Variants in MYSM1 observed in about 807,000 individuals in gnomAD.
MYSM1 encodes the protein Myb like, SWIRM and MPN domains 1, also known as deubiquitinase MYSM1.
In MYSM1, 51 loss-of-function variants were observed where a neutral mutation model predicts 116.0. That is an observed-to-expected ratio of 0.44 (90% CI 0.35 to 0.56). MYSM1 has a LOEUF of 0.56. MYSM1 is among the 20% of genes least tolerant of loss of function. The probability of loss-of-function intolerance (pLI) is 0.00; values close to 1 mark genes in which losing one functional copy is unlikely to be tolerated. For synonymous variants in MYSM1, 313 were observed against 315.2 expected, an observed-to-expected ratio of 0.99 and a Z score of 0.07; for missense variants, 900 against 974.9, an observed-to-expected ratio of 0.92 and a Z score of 1.02.
chr1:58,678,064 G>A (rs1212626696), intron 8 of MYSM1, among the ~76,000 whole-genome samples: 1 of 152,098 alleles, frequency 6.6e-6, no homozygotes, highest in Non-Finnish European at 1.5e-5. Context: ...TCTAATGGGA[G>A]GGACTGTCAA....
At chr1:58,685,338 ACTT>A in intron 6 of MYSM1, 87 bp from the exon 7 acceptor site, 29 of 675,194 alleles carry the variant, frequency 4.3e-5, no homozygotes, top group Non-Finnish European at 6.5e-5. Flanking sequence ...AAAAAAAAAA[ACTT>A]AAAAAAAAAT....
intron 1 of MYSM1, among the ~76,000 whole-genome samples, chr1:58,696,744 G>A (rs1197396783): frequency 2.0e-5 from 3 of 152,148 alleles, no homozygotes. Context: ...TATCTAACAA[G>A]AATGTTCTAT....
intron 12 of MYSM1, among the ~76,000 whole-genome samples, chr1:58,670,417 T>C (rs1644542949): frequency 6.6e-6 from 1 of 152,130 alleles, no homozygotes; most frequent in African/African-American, 2.4e-5. Context: ...AAAAGCAGAC[T>C]GCAGAAAAGG....
intron 1 of MYSM1, among the ~76,000 whole-genome samples, chr1:58,698,809 C>A (rs931075108): frequency 6.6e-6 from 1 of 152,190 alleles, no homozygotes; most frequent in Non-Finnish European, 1.5e-5. Context: ...ATCTGCAAAG[C>A]TTTGAGGGAC....
chr1:58,678,924 GA>G (rs1275488913), intron 8 of MYSM1, among the ~76,000 whole-genome samples: 1 of 152,120 alleles, frequency 6.6e-6, no homozygotes, highest in African/African-American at 2.4e-5. Flanking sequence ...GTGTGACCTG[GA>G]AAAGTTTTTT....
Position 58,658,049 on chromosome 1 carries a change from A to G in MYSM1, c.*1948T>C, listed in dbSNP as rs986275562. ...TCAAAAGGAAGATGAGTACAAAGGA[A>G]TCAATCACTGCCTTTCACAGAATCA... On this transcript the variant is annotated 3_prime_UTR_variant, in exon 20 of 20. Coordinates refer to ENST00000472487, the MANE Select transcript of MYSM1 (RefSeq NM_001085487.3). 9 of 152,228 alleles carry G rather than the reference A, an allele frequency of 5.9e-5. No homozygotes were observed. Among genetic ancestry groups the G allele is most frequent in the African/African-American group, 2.2e-4 (9 of 41,472 alleles). 9.4% of individuals were successfully genotyped at this position (152,228 alleles called of 1,614,324 possible). A position where few individuals can be genotyped will look rare whatever the true frequency, so the allele number is the denominator to read the frequency against.
Position 58,690,215 on chromosome 1 carries a change from T to C in MYSM1, c.320+11A>G, listed in dbSNP as rs374696754. 3.7e-5 allele frequency: 56 copies of C among 1,516,668 alleles called. No homozygotes were observed. The highest frequency in any genetic ancestry group is 8.8e-7 in the Non-Finnish European group (1 of 1,130,910). 94.0% of individuals were successfully genotyped at this position (1,516,668 alleles called of 1,614,324 possible). On this transcript the variant is annotated intron_variant, in intron 5 of 19. Transcript: ENST00000472487. ...AAAACAGATTTATAAATATAAAATA[T>C]AAGTACATACATGATTTTTGCTGTT... is the stretch of plus-strand genomic sequence containing the variant.
intron 12 of MYSM1, among the ~76,000 whole-genome samples, chr1:58,671,158 T>A (rs1644554696): frequency 6.6e-6 from 1 of 152,152 alleles, no homozygotes; most frequent in South Asian, 2.1e-4. Flanking sequence ...TTATTAAACC[T>A]CTCTATGCCT....
intron 1 of MYSM1, among the ~76,000 whole-genome samples, chr1:58,698,102 A>ATATATATATATATATATATATT: frequency 3.9e-4 from 3 of 7,764 alleles, no homozygotes; most frequent in African/African-American, 5.1e-4. Context: ...ATATATATAT[A>ATATATATATATATATATATATT]TTTTTTTTTT....
In MYSM1 at chr1:58,667,939, C is replaced by G. The variant is rs748325141; in HGVS notation, c.1768-18G>C. ...TGAGCATGCTAAAAGAAATACAAGA[C>G]AGACTTAGCCCAAACGCACAAACCC... On this transcript the variant is annotated intron_variant, in intron 14 of 19. Transcript: ENST00000472487. 7 of 1,590,578 alleles carry G rather than the reference C, an allele frequency of 4.4e-6. No individual in the cohort carries two copies. The highest frequency in any genetic ancestry group is 6.0e-6 in the Non-Finnish European group (7 of 1,158,782).
chr1:58,679,135 T>C (rs1372358988), intron 8 of MYSM1, among the ~76,000 whole-genome samples: 1 of 152,186 alleles, frequency 6.6e-6, no homozygotes, highest in Non-Finnish European at 1.5e-5. Flanking sequence ...TATAAACAAA[T>C]CTGGCAGGCT....
intron 15 of MYSM1, 47 bp from the exon 16 acceptor site, chr1:58,667,273 T>A: frequency 7.6e-7 from 1 of 1,312,610 alleles, no homozygotes; most frequent in Non-Finnish European, 1.0e-6. Flanking sequence ...TCCTGTTAAT[T>A]CTATTACTCT....
At chr1:58,671,237 T>C (rs1440591436) in intron 12 of MYSM1, among the ~76,000 whole-genome samples, 1 of 152,188 alleles carries the variant, frequency 6.6e-6, no homozygotes, top group Non-Finnish European at 1.5e-5. Context: ...ATGAAGACTA[T>C]ATGAGCTAAT....
rs1644693147 is a variant in MYSM1, at chr1:58,678,755, A to T, written c.1260-1699T>A. On this transcript the variant is annotated intron_variant, in intron 8 of 19. Transcript: ENST00000472487. ...GTGAGATATTTTAGATAAGCCTCTAATTTCCCTCGACCAGATTTCAATGAG... is the reference window on the plus strand; with the variant it reads ...GTGAGATATTTTAGATAAGCCTCTATTTTCCCTCGACCAGATTTCAATGAG... Among the ~76,000 whole-genome samples the T allele has an allele frequency of 3.3e-5, 5 of 152,246 alleles. No homozygotes were observed. The South Asian group carries it at 1.0e-3, about 32-fold the overall frequency.
chr1:58,696,742 A>T (rs1434016405), intron 1 of MYSM1, among the ~76,000 whole-genome samples: 1 of 152,238 alleles, frequency 6.6e-6, no homozygotes, highest in Admixed American at 6.5e-5. Context: ...GTTATCTAAC[A>T]AGAATGTTCT....
chr1:58,666,878 A>AT (rs754290130), intron 16 of MYSM1, among the ~76,000 whole-genome samples, 160 bp downstream of exon 16: 76 of 151,422 alleles, frequency 5.0e-4, no homozygotes, highest in South Asian at 1.0e-3. Context: ...CTGTCTCAAA[A>AT]AAAAAATAAT....
At chr1:58,673,865 G>A (rs11207287) in intron 10 of MYSM1, among the ~76,000 whole-genome samples, 86,492 of 152,060 alleles carry the variant, frequency 0.57, 24,909 homozygotes, top group East Asian at 0.64. Context: ...TGATGGCGAG[G>A]TAAGGGCAGG....
chr1:58,683,898 GTC>G (rs1169428058), intron 7 of MYSM1, among the ~76,000 whole-genome samples: 1 of 152,028 alleles, frequency 6.6e-6, no homozygotes, highest in Non-Finnish European at 1.5e-5. Context: ...TAATATACTA[GTC>G]TCTGTTACAA....
Position 58,679,749 on chromosome 1 carries a change from C to T in MYSM1, c.1259+2036G>A, listed in dbSNP as rs71642188. Among the ~76,000 whole-genome samples, 30 of 152,224 alleles carry T rather than the reference C, an allele frequency of 2.0e-4. No homozygotes were observed. The East Asian group carries it at 2.1e-3, about 11-fold the overall frequency. ...ACGGGGATGAAAATTGTGAGTCAGC[C>T]GGGCGTGGTGGCTCACACCTGTAAT... On this transcript the variant is annotated intron_variant, in intron 8 of 19. Transcript: ENST00000472487.
Sources: gnomAD v4.1 joint callset for allele counts (sites outside exome capture counted in the v4.1 genomes callset) on GRCh38, gnomAD v4.1.1 for gene constraint, MANE v1.5 for transcripts, NCBI Gene and HGNC (gene_info 2026-07-23, HGNC 2026-07-21) for gene names.